Variants in PAH observed in about 807,000 individuals in gnomAD.
PAH encodes the protein phenylalanine hydroxylase.
A neutral mutation model predicts 62.0 loss-of-function variants in PAH; 64 were observed. The ratio of observed to expected loss-of-function variants is 1.03; its 90% CI spans 0.84 to 1.27. PAH has a LOEUF of 1.27. PAH is among the 50% of genes most tolerant of loss of function. The pLI is 0.00. For missense variants in PAH, 579 were observed against 542.8 expected (o/e 1.07, Z -0.66); for synonymous variants, 195 against 196.2 (o/e 0.99, Z 0.05).
intron 3 of PAH, among the ~76,000 whole-genome samples, chr12:102,889,298 G>A (rs550438938): frequency 6.6e-6 from 1 of 152,268 alleles, no homozygotes; most frequent in African/African-American, 2.4e-5. Context: ...CAATGTTGAA[G>A]CAGAAGAAAC....
intron 8 of PAH, 96 bp downstream of exon 8, chr12:102,851,591 T>C (rs1290153195): frequency 1.1e-5 from 11 of 977,698 alleles, no homozygotes; most frequent in Non-Finnish European, 3.3e-6. Context: ...GTTTCCGCTC[T>C]TGCAGAGGGC....
At chr12:102,912,129 A>G (rs1878223766) in intron 2 of PAH, among the ~76,000 whole-genome samples, 1 of 152,228 alleles carries the variant, frequency 6.6e-6, no homozygotes, top group Non-Finnish European at 1.5e-5. Context: ...TCTCTCTGTA[A>G]ACAACTTAGT....
intron 5 of PAH, among the ~76,000 whole-genome samples, chr12:102,860,213 G>T (rs900799938): frequency 5.9e-5 from 9 of 151,970 alleles, no homozygotes; most frequent in East Asian, 1.9e-4. Flanking sequence ...AAATCATGAG[G>T]GAACTCCCAT....
In PAH at chr12:102,843,712, G is replaced by A. The variant is rs780691974; in HGVS notation, c.1133C>T (p.Thr378Ile). 2 of 1,613,572 alleles carry A rather than the reference G, an allele frequency of 1.2e-6. No individual in the cohort carries two copies. The highest frequency in any genetic ancestry group is 1.1e-5 in the South Asian group (1 of 91,078). The part of the protein sequence containing the change: ...ELEKTAIQNY[T>I]VTEFQPLYYV... ...ATAGAGGGGCTGGAACTCCGTGACAGTGTAATTTTGGATGGCTGTCTTCTC... is the reference window on the plus strand; with the variant it reads ...ATAGAGGGGCTGGAACTCCGTGACAATGTAATTTTGGATGGCTGTCTTCTC... The change falls in exon 11 of 13, where the codon ACT becomes ATT. Residue 378 changes from threonine (T) to isoleucine (I), a missense_variant. Thr to Ile is a moderately conservative substitution (Grantham distance 89, BLOSUM62 -1). Transcript: ENST00000553106.
intron 2 of PAH, among the ~76,000 whole-genome samples, chr12:102,903,429 T>A (rs1296123256): frequency 6.6e-6 from 1 of 150,510 alleles, no homozygotes; most frequent in East Asian, 1.9e-4. Flanking sequence ...GGAGCAATAA[T>A]CACAACTCAT....
intron 12 of PAH, 73 bp downstream of exon 12, chr12:102,840,327 A>G (rs1455711581): frequency 3.3e-6 from 3 of 915,632 alleles, no homozygotes; most frequent in Admixed American, 3.4e-5. Context: ...TATTTTTCCT[A>G]TGGCGATGGT....
intron 1 of PAH, among the ~76,000 whole-genome samples, chr12:102,935,339 T>A (rs1188584937): frequency 6.6e-6 from 1 of 152,156 alleles, no homozygotes; most frequent in Non-Finnish European, 1.5e-5. Flanking sequence ...TCTTTAGGAA[T>A]ACTGGCCTGT....
intron 1 of PAH, among the ~76,000 whole-genome samples, chr12:102,940,271 G>A (rs1879245537): frequency 1.3e-5 from 2 of 152,184 alleles, no homozygotes; most frequent in Non-Finnish European, 1.5e-5. Flanking sequence ...AAAAGCCAAA[G>A]CTTCTCATCT....
intron 4 of PAH, among the ~76,000 whole-genome samples, chr12:102,875,390 C>T (rs959957639): frequency 3.3e-5 from 5 of 152,172 alleles, no homozygotes; most frequent in East Asian, 3.8e-4. Context: ...GGGAAGAATG[C>T]CGGTTTGGGG....
chr12:102,894,658 G>T, intron 3 of PAH, 77 bp downstream of exon 3: 1 of 1,111,156 alleles, frequency 9.0e-7, no homozygotes, highest in Non-Finnish European at 1.4e-6. Context: ...TAAATATGCT[G>T]TTAAATATGT....
At chr12:102,912,281 T>C (rs34425560) in intron 2 of PAH, among the ~76,000 whole-genome samples, 17,911 of 152,200 alleles carry the variant, frequency 0.12, 1,143 homozygotes, top group Non-Finnish European at 0.14. Context: ...TTAGCTATTT[T>C]CTAAAGCATA....
At chr12:102,887,174 AAG>A (rs1690315421) in intron 3 of PAH, among the ~76,000 whole-genome samples, 1 of 152,074 alleles carries the variant, frequency 6.6e-6, no homozygotes, top group South Asian at 2.1e-4. Context: ...GGAAGATGAG[AAG>A]AAAAAAGGGA....
intron 4 of PAH, among the ~76,000 whole-genome samples, chr12:102,874,700 C>T (rs1209197985): frequency 1.3e-5 from 2 of 152,150 alleles, no homozygotes; most frequent in East Asian, 1.9e-4. Context: ...AGGAAGGAGA[C>T]TGGGAAAGAA....
intron 11 of PAH, 148 bp from the exon 12 acceptor site, chr12:102,840,663 G>A (rs1208874633): frequency 2.9e-6 from 2 of 692,574 alleles, no homozygotes; most frequent in East Asian, 2.7e-5. Context: ...GAGGCGGGGG[G>A]AATGGAGTTT....
chr12:102,902,963 G>A (rs1246258767), intron 2 of PAH, among the ~76,000 whole-genome samples: 2 of 152,226 alleles, frequency 1.3e-5, no homozygotes, highest in Non-Finnish European at 2.9e-5. Flanking sequence ...GAAAGCCAGG[G>A]TTGCAGCTTA....
At chr12:102,844,850 G>A (rs1468949579) in intron 9 of PAH, among the ~76,000 whole-genome samples, 1 of 152,160 alleles carries the variant, frequency 6.6e-6, no homozygotes, top group African/African-American at 2.4e-5. Flanking sequence ...CAACTTCCAT[G>A]GTTCTGAGGC....
At chr12:102,907,769 C>A (rs1473326961) in intron 2 of PAH, among the ~76,000 whole-genome samples, 2 of 152,002 alleles carry the variant, frequency 1.3e-5, no homozygotes, top group Non-Finnish European at 1.5e-5. Flanking sequence ...CAAGTATGCG[C>A]CATCACGCCC....
intron 4 of PAH, among the ~76,000 whole-genome samples, chr12:102,871,940 AAAAAAAAAAATATATATATATATATAT>A (rs1430581488): frequency 5.5e-4 from 4 of 7,260 alleles, no homozygotes; most frequent in African/African-American, 1.2e-3. Flanking sequence ...AAAAAAAAAA[AAAAAAAAAAATATATATATATATATAT>A]ATATATATAT....
rs117854999 is a variant in PAH, at chr12:102,856,337, A to T, written c.510-1005T>A. On this transcript the variant is annotated intron_variant, in intron 5 of 12. Transcript: ENST00000553106. ...AGTCGTTAGTTTTAAAAGTCCGGGAAGCTCAAACTGGGTGGAGCCCACCAC... is the reference window on the plus strand; with the variant it reads ...AGTCGTTAGTTTTAAAAGTCCGGGATGCTCAAACTGGGTGGAGCCCACCAC... Among the ~76,000 whole-genome samples the T allele has an allele frequency of 7.1e-3, 1,081 of 152,296 alleles. 7 individuals carry two copies. Among genetic ancestry groups the T allele is most frequent in the Middle Eastern group, 0.014 (4 of 294 alleles).
Sources: gnomAD v4.1 joint callset for allele counts (sites outside exome capture counted in the v4.1 genomes callset) on GRCh38, gnomAD v4.1.1 for gene constraint, MANE v1.5 for transcripts, NCBI Gene and HGNC (gene_info 2026-07-23, HGNC 2026-07-21) for gene names.